PPM1E: variants seen among roughly 807,000 people sequenced by gnomAD.
The protein encoded by PPM1E is protein phosphatase 1E.
A neutral mutation model predicts 65.9 loss-of-function variants in PPM1E; 20 were observed. The observed-to-expected ratio is 0.30, with a 90% confidence interval of 0.21 to 0.44. The LOEUF (loss-of-function observed/expected upper bound fraction) is 0.44. Among genes scored for constraint, PPM1E ranks in the 20% least tolerant of loss-of-function variants. The pLI, the probability that PPM1E is intolerant of heterozygous loss-of-function variation, is 1.00. For missense variants in PPM1E, 713 were observed against 953.1 expected, an observed-to-expected ratio of 0.75 and a Z score of 3.32; for synonymous variants, 352 against 374.9, an observed-to-expected ratio of 0.94 and a Z score of 0.70.
At position 58,960,254 on chromosome 17, in the gene PPM1E, T is replaced by C. The variant is rs140300073; in HGVS notation, c.583+4487T>C. ...AGGTCTTCATCTCTCCAAACTCAAGTTGAGCAGGAAAACAAGAGTAGATTT... is the reference window on the plus strand; with the variant it reads ...AGGTCTTCATCTCTCCAAACTCAAGCTGAGCAGGAAAACAAGAGTAGATTT... On this transcript the variant is annotated intron_variant, in intron 2 of 6. Transcript: ENST00000308249. 4.8e-4 allele frequency among the ~76,000 whole-genome samples: 73 copies of C among 152,268 alleles called. 1 individual carries two copies. In the South Asian group the frequency reaches 0.014, roughly 29 times the overall value.
chr17:58,869,282 A>G (rs988720452), intron 1 of PPM1E, among the ~76,000 whole-genome samples: 1 of 152,218 alleles, frequency 6.6e-6, no homozygotes, highest in African/African-American at 2.4e-5. Flanking sequence ...ATAGTGTGAC[A>G]TCAAAGGCTT....
chr17:58,822,695 A>C (rs1261929344), intron 1 of PPM1E, among the ~76,000 whole-genome samples: 1 of 152,218 alleles, frequency 6.6e-6, no homozygotes, highest in Admixed American at 6.5e-5. Flanking sequence ...TGAAGATGTA[A>C]AGATGAGGAT....
intron 6 of PPM1E, among the ~76,000 whole-genome samples, chr17:58,973,989 C>T (rs1161534341): frequency 7.1e-6 from 1 of 139,972 alleles, no homozygotes; most frequent in African/African-American, 2.7e-5. Flanking sequence ...AATTGCTGGG[C>T]GTAGTGGCTT....
At chr17:58,908,741 CT>C (rs1022343894) in intron 1 of PPM1E, among the ~76,000 whole-genome samples, 2 of 152,032 alleles carry the variant, frequency 1.3e-5, no homozygotes, top group African/African-American at 4.8e-5. Context: ...TGCCGAGCCA[CT>C]TTTTATACTT....
At chr17:58,782,558 C>T (rs971303693) in intron 1 of PPM1E, among the ~76,000 whole-genome samples, 13 of 151,362 alleles carry the variant, frequency 8.6e-5, no homozygotes, top group East Asian at 7.8e-4. Flanking sequence ...CGTGCCACCA[C>T]GCCTGGCTAA....
chr17:58,764,151 T>C (rs1333659565), intron 1 of PPM1E, among the ~76,000 whole-genome samples: 1 of 151,924 alleles, frequency 6.6e-6, no homozygotes, highest in African/African-American at 2.4e-5. Context: ...GTTTTTAAAA[T>C]CCTGTGTGTA....
intron 1 of PPM1E, among the ~76,000 whole-genome samples, chr17:58,882,634 G>A (rs906061327): frequency 3.3e-5 from 5 of 151,898 alleles, no homozygotes; most frequent in South Asian, 2.1e-4. Context: ...CAAGTGATCC[G>A]CTCACCTCAG....
At chr17:58,804,595 T>C (rs2050287979) in intron 1 of PPM1E, among the ~76,000 whole-genome samples, 1 of 152,184 alleles carries the variant, frequency 6.6e-6, no homozygotes, top group Admixed American at 6.6e-5. Context: ...ATTATTATAA[T>C]AAATGTTAAA....
chr17:58,796,241 A>G (rs2050204851), intron 1 of PPM1E, among the ~76,000 whole-genome samples: 2 of 152,164 alleles, frequency 1.3e-5, no homozygotes, highest in South Asian at 2.1e-4. Context: ...ACAGGGTCTC[A>G]TTATGGTTCC....
At chr17:58,867,775 C>T (rs901685543) in intron 1 of PPM1E, among the ~76,000 whole-genome samples, 7 of 152,176 alleles carry the variant, frequency 4.6e-5, no homozygotes, top group Non-Finnish European at 8.8e-5. Flanking sequence ...TCTAAATACA[C>T]TTCCCCCTTT....
intron 1 of PPM1E, among the ~76,000 whole-genome samples, chr17:58,812,790 C>A (rs2050381640): frequency 7.9e-5 from 12 of 152,112 alleles, no homozygotes; most frequent in Admixed American, 7.2e-4. Flanking sequence ...TGGTCTTGAA[C>A]TCCTGACCTC....
At chr17:58,825,547 TTC>T (rs1357715572) in intron 1 of PPM1E, among the ~76,000 whole-genome samples, 1 of 152,136 alleles carries the variant, frequency 6.6e-6, no homozygotes, top group East Asian at 1.9e-4. Context: ...ATTTTTTTTA[TTC>T]TCTGTTGTTT....
chr17:58,812,303 CAAAAAAAAAAA>C (rs35132799), intron 1 of PPM1E, among the ~76,000 whole-genome samples: 8 of 49,770 alleles, frequency 1.6e-4, no homozygotes, highest in South Asian at 2.1e-3. Context: ...GACTCTGTTT[CAAAAAAAAAAA>C]AAAAAAAAAA....
At position 58,980,569 on chromosome 17, in the gene PPM1E, T is replaced by C; in HGVS notation, c.1806T>C (p.Leu602=). 6.2e-7 allele frequency: 1 copy of C among 1,613,904 alleles called. No individual in the cohort carries two copies. Among genetic ancestry groups the C allele is most frequent in the Non-Finnish European group, 8.5e-7 (1 of 1,179,758 alleles). ...CTGGTGCACCAAAGAAAGCAAATCT[T>C]ATTAATGAGTTAATGATGGAGAAAA... ...FGPGAPKKAN[L]INELMMEKKS... is the part of the protein sequence containing the mutation. Residue 602 remains leucine (L), a synonymous_variant, in exon 7 of 7, where the codon CTT becomes CTC. Coordinates refer to ENST00000308249, the MANE Select transcript of PPM1E (RefSeq NM_014906.5). The surrounding 1 kb of genome is among the most constrained non-coding windows in gnomAD (Gnocchi z 4.7).
chr17:58,897,305 T>A (rs1004715247), intron 1 of PPM1E, among the ~76,000 whole-genome samples: 1 of 151,770 alleles, frequency 6.6e-6, no homozygotes, highest in Admixed American at 6.6e-5. Context: ...TCCCAGCTAC[T>A]TGGGAGGCTG....
chr17:58,849,292 G>T lies in PPM1E; in HGVS notation c.464+92831G>T, dbSNP rs1418025518. The stretch of plus-strand genomic sequence containing the variant: ...CTCCTTCAATTCTGCTCTGATCTTA[G>T]TTATTTCTTGCCTTCTGCTAGCTTT... On this transcript the variant is annotated intron_variant, in intron 1 of 6. Coordinates refer to ENST00000308249, the MANE Select transcript of PPM1E (RefSeq NM_014906.5). Among the ~76,000 whole-genome samples the T allele has an allele frequency of 3.3e-5, 5 of 152,206 alleles. No individual in the cohort carries two copies. The East Asian group carries it at 7.7e-4, about 23-fold the overall frequency.
At chr17:58,952,489 G>C (rs2052253152) in intron 1 of PPM1E, among the ~76,000 whole-genome samples, 1 of 152,138 alleles carries the variant, frequency 6.6e-6, no homozygotes, top group Non-Finnish European at 1.5e-5. Context: ...TGGCCTCCAG[G>C]AATGGGCCTG....
chr17:58,950,967 A>T (rs1362376621), intron 1 of PPM1E, among the ~76,000 whole-genome samples: 15 of 151,410 alleles, frequency 9.9e-5, no homozygotes, highest in Non-Finnish European at 1.9e-4. Flanking sequence ...TTTAGTAGAG[A>T]CGGGGTTTCA....
chr17:58,769,196 A>G (rs1285368685), intron 1 of PPM1E, among the ~76,000 whole-genome samples: 1 of 152,162 alleles, frequency 6.6e-6, no homozygotes, highest in Non-Finnish European at 1.5e-5. Context: ...TTATTTAAAT[A>G]GCTGAAGGTA....
Sources: gnomAD v4.1 joint callset for allele counts (sites outside exome capture counted in the v4.1 genomes callset) on GRCh38, gnomAD v4.1.1 for gene constraint, Gnocchi (gnomAD v3.1) non-coding constraint, MANE v1.5 for transcripts, NCBI Gene and HGNC (gene_info 2026-07-23, HGNC 2026-07-21) for gene names.